Variants in UNC13B observed in about 807,000 individuals in gnomAD.
The protein encoded by UNC13B is unc-13 homolog B.
UNC13B carries 144 observed loss-of-function variants against 211.0 expected under a neutral mutation model. That is an observed-to-expected ratio of 0.68 (90% CI 0.60 to 0.78). The LOEUF (loss-of-function observed/expected upper bound fraction) is 0.78. Ranked by LOEUF, UNC13B falls within the 30% of genes least tolerant of loss-of-function variation. The probability of loss-of-function intolerance (pLI) is 0.00; values close to 1 mark genes in which losing one functional copy is unlikely to be tolerated. For missense variants in UNC13B, 1,777 were observed against 2,002.0 expected (o/e 0.89, Z 2.14); for synonymous variants, 709 against 725.8 (o/e 0.98, Z 0.37).
rs926192249 is a variant in UNC13B, at chr9:35,404,503, T to C, written c.*470T>C. On this transcript the variant is annotated 3_prime_UTR_variant, in exon 40 of 40. Coordinates refer to ENST00000635942, the MANE Select transcript of UNC13B (RefSeq NM_001371189.2). ...GAGCCCGGTGGTCTGGATTGGAGTA[T>C]GGCCAGGGCAGGAGTACACAGAATA... 8 of 191,468 alleles carry C rather than the reference T, an allele frequency of 4.2e-5. No homozygotes were observed. Among genetic ancestry groups the C allele is most frequent in the African/African-American group, 1.6e-4 (7 of 43,096 alleles). The allele number at this position is 191,468 out of a possible 1,614,324, so 11.9% of individuals were successfully genotyped here.
chr9:35,232,647 T>G (rs1473135265), intron 3 of UNC13B, among the ~76,000 whole-genome samples: 1 of 152,048 alleles, frequency 6.6e-6, no homozygotes, highest in African/African-American at 2.4e-5. Flanking sequence ...TGCCATTCAG[T>G]AGGATAGGGA....
intron 1 of UNC13B, among the ~76,000 whole-genome samples, chr9:35,223,935 G>A (rs186351192): frequency 2.6e-5 from 4 of 152,138 alleles, no homozygotes; most frequent in Non-Finnish European, 5.9e-5. Flanking sequence ...TTTCTGGTAC[G>A]TTTGTTGAAA....
At chr9:35,240,704 T>C (rs1825759430) in intron 5 of UNC13B, among the ~76,000 whole-genome samples, 2 of 152,146 alleles carry the variant, frequency 1.3e-5, no homozygotes, top group Non-Finnish European at 2.9e-5. Context: ...ACTAATTACA[T>C]AGTTACAAAT....
intron 7 of UNC13B, chr9:35,291,142 C>G: frequency 6.5e-7 from 1 of 1,544,814 alleles, no homozygotes. Flanking sequence ...TTTTCTTGAT[C>G]TTACCCACAA....
intron 6 of UNC13B, among the ~76,000 whole-genome samples, chr9:35,251,798 G>T (rs934061538): frequency 2.6e-5 from 4 of 151,930 alleles, no homozygotes; most frequent in African/African-American, 9.7e-5. Flanking sequence ...TTCATTTCAA[G>T]AGCCAGATAA....
rs1171240388 is a variant in UNC13B, at chr9:35,257,322, TAAAA to T, written c.469-1669_469-1666del. 2.3e-4 allele frequency among the ~76,000 whole-genome samples: 32 copies of T among 138,582 alleles called. 1 individual carries two copies. Among genetic ancestry groups the T allele is most frequent in the Admixed American group, 2.1e-3 (28 of 13,516 alleles). The allele number at this position is 138,582 out of a possible 152,430, so 90.9% of individuals were successfully genotyped here. On this transcript the variant is annotated intron_variant, in intron 6 of 39. Transcript: ENST00000635942. ...TATTTATAAAAAATATAAATATTTA[TAAAA>T]ATATTTATATAAATATTTATAAAAA... is the stretch of plus-strand genomic sequence containing the variant.
intron 9 of UNC13B, among the ~76,000 whole-genome samples, chr9:35,309,711 G>A (rs1830094002): frequency 6.6e-6 from 1 of 152,192 alleles, no homozygotes; most frequent in South Asian, 2.1e-4. Context: ...ATACGGCTCT[G>A]ACCCAGATCC....
At chr9:35,170,363 A>G (rs1396503441) in intron 1 of UNC13B, among the ~76,000 whole-genome samples, 1,090 of 149,722 alleles carry the variant, frequency 7.3e-3, no homozygotes, top group African/African-American at 0.026. Context: ...ATGGGGTTTC[A>G]CCATGTTGGC....
At chr9:35,376,869 A>G (rs1038284597) in intron 15 of UNC13B, among the ~76,000 whole-genome samples, 7 of 152,214 alleles carry the variant, frequency 4.6e-5, no homozygotes, top group African/African-American at 1.7e-4. Flanking sequence ...AGGAAATGGT[A>G]GCGCTCAAAG....
At chr9:35,272,263 G>GT (rs531192224) in intron 7 of UNC13B, among the ~76,000 whole-genome samples, 2,167 of 96,842 alleles carry the variant, frequency 0.022, 8 homozygotes, top group South Asian at 0.037. Flanking sequence ...TTTTGTTTTT[G>GT]TTTTTTTTTT....
chr9:35,329,361 A>T (rs959069390), intron 11 of UNC13B, among the ~76,000 whole-genome samples: 20 of 152,216 alleles, frequency 1.3e-4, no homozygotes, highest in Non-Finnish European at 2.6e-4. Flanking sequence ...AAATGAGGAC[A>T]CAGACACAGA....
chr9:35,297,561 T>TTTTTTTTTTTTTGTTTTTTTGTTTTTTTG, intron 8 of UNC13B, among the ~76,000 whole-genome samples: 4 of 128,162 alleles, frequency 3.1e-5, no homozygotes, highest in African/African-American at 1.2e-4. Context: ...TTTTTTTTTT[T>TTTTTTTTTTTTTGTTTTTTTGTTTTTTTG]TTTTTTGAGA....
At chr9:35,347,320 C>T (rs1173383217) in intron 11 of UNC13B, among the ~76,000 whole-genome samples, 3 of 152,220 alleles carry the variant, frequency 2.0e-5, no homozygotes, top group African/African-American at 7.2e-5. Context: ...CTCCCTGGCA[C>T]ACACAGTAAG....
In UNC13B at chr9:35,354,088, T is replaced by C. The variant is rs186444732; in HGVS notation, c.9415-12859T>C. ...CTTCCAGTCTCTTGTTGTGGTGCTA[T>C]ACCTGTTCAAAAGAGGGAGGAGCAT... is the stretch of plus-strand genomic sequence containing the variant. On this transcript the variant is annotated intron_variant, in intron 11 of 39. Transcript: ENST00000635942. 2.0e-5 allele frequency among the ~76,000 whole-genome samples: 3 copies of C among 152,312 alleles called. No individual in the cohort carries two copies. The East Asian group carries it at 5.8e-4, about 29-fold the overall frequency.
Position 35,306,128 on chromosome 9 carries a change from A to G in UNC13B, c.6724A>G (p.Thr2242Ala), listed in dbSNP as rs1829910814. 5 of 398,832 alleles carry G rather than the reference A, an allele frequency of 1.3e-5. No individual in the cohort carries two copies. Among genetic ancestry groups the G allele is most frequent in the African/African-American group, 2.1e-5 (1 of 48,592 alleles). The allele number at this position is 398,832 out of a possible 1,614,324, so 24.7% of individuals were successfully genotyped here. ...AAGCATTTCAACTGTTGTTCCAGTG[A>G]CCTCCCAGCCCTGTAAGAAGACAAA... is the stretch of plus-strand genomic sequence containing the variant. ...KQSISTVVPV[T>A]SQPCKKTNVF... The change falls in exon 9 of 40, where the codon ACC becomes GCC. Residue 2242 changes from threonine to alanine, a missense_variant. Thr to Ala is a moderately conservative substitution (Grantham distance 58). Transcript: ENST00000635942.
intron 1 of UNC13B, among the ~76,000 whole-genome samples, chr9:35,215,136 T>C (rs563184911): frequency 2.6e-5 from 4 of 152,326 alleles, no homozygotes; most frequent in East Asian, 3.9e-4. Context: ...ACTTTAGTGG[T>C]GGCTCATGCC....
At chr9:35,269,619 A>G (rs1021431705) in intron 7 of UNC13B, among the ~76,000 whole-genome samples, 6 of 152,192 alleles carry the variant, frequency 3.9e-5, no homozygotes, top group Admixed American at 1.3e-4. Flanking sequence ...TCTTTTGGCA[A>G]CTAGCCTCCA....
chr9:35,391,154 T>C lies in UNC13B; in HGVS notation c.11308+440T>C, dbSNP rs572195667. Among the ~76,000 whole-genome samples, 7 of 152,336 alleles carry C rather than the reference T, an allele frequency of 4.6e-5. No homozygotes were observed. The South Asian group carries it at 1.2e-3, about 27-fold the overall frequency. ...TTTCTTGCAAGCTGCTCTGGATTAG[T>C]ATGACAATGCCAGGAAGATACTTCT... On this transcript the variant is annotated intron_variant, in intron 26 of 39. Coordinates refer to ENST00000635942, the MANE Select transcript of UNC13B (RefSeq NM_001371189.2).
intron 4 of UNC13B, among the ~76,000 whole-genome samples, chr9:35,237,106 G>C (rs992845123): frequency 6.6e-6 from 1 of 152,114 alleles, no homozygotes; most frequent in Non-Finnish European, 1.5e-5. Context: ...GTTATTTCTA[G>C]GATTGAACTC....
Sources: allele counts gnomAD v4.1 joint callset (sites outside exome capture counted in the v4.1 genomes callset), GRCh38; gene constraint gnomAD v4.1.1; transcripts MANE v1.5; gene names NCBI Gene and HGNC (gene_info 2026-07-23, HGNC 2026-07-21).